The following PLG variants were observed in gnomAD, a reference collection of about 807,000 sequenced individuals.
PLG encodes the protein plasmin.
A neutral mutation model predicts 104.4 loss-of-function variants in PLG; 41 were observed. The observed-to-expected ratio is 0.39, with a 90% CI of 0.31 to 0.51. The LOEUF (loss-of-function observed/expected upper bound fraction) is 0.51, where lower values mean the gene tolerates loss of function less well. Among genes scored for constraint, PLG ranks in the 20% least tolerant of loss-of-function variants. The pLI is 0.76. For synonymous variants in PLG, 337 were observed against 357.1 expected (o/e 0.94, Z 0.63); for missense variants, 891 against 1,003.6 (o/e 0.89, Z 1.52).
rs12529546 is a variant in PLG, at chr6:160,732,319, G to A, written c.1587+426G>A. 3.3e-5 allele frequency among the ~76,000 whole-genome samples: 5 copies of A among 152,156 alleles called. No homozygotes were observed. Among genetic ancestry groups the A allele is most frequent in the South Asian group, 2.1e-4 (1 of 4,832 alleles). ...TCCCTTAGCCTCATGCATTCTCTGCGATGGTTTACTTTGGGGCCTATGAAT... is the reference window on the plus strand; with the variant it reads ...TCCCTTAGCCTCATGCATTCTCTGCAATGGTTTACTTTGGGGCCTATGAAT... On this transcript the variant is annotated intron_variant, in intron 12 of 18. Coordinates refer to ENST00000308192, the MANE Select transcript of PLG (RefSeq NM_000301.5). The surrounding 1 kb of genome is among the most constrained non-coding windows in gnomAD (Gnocchi z 4.5).
At chr6:160,711,391 G>T in intron 4 of PLG, 200 bp downstream of exon 4, 3 of 702,630 alleles carry the variant, frequency 4.3e-6, no homozygotes, top group Non-Finnish European at 7.2e-6. Context: ...CTATTTAATC[G>T]TTGTTATACT....
intron 12 of PLG, among the ~76,000 whole-genome samples, chr6:160,733,543 T>TAATAATAGAA (rs1554251785): frequency 2.6e-5 from 4 of 151,062 alleles, no homozygotes; most frequent in African/African-American, 9.8e-5. Flanking sequence ...ATAATAATAA[T>TAATAATAGAA]AGAAAGGAAG....
intron 6 of PLG, among the ~76,000 whole-genome samples, chr6:160,715,119 A>G (rs1460570323): frequency 6.6e-6 from 1 of 152,174 alleles, no homozygotes; most frequent in Non-Finnish European, 1.5e-5. Flanking sequence ...AGCAGCAGGG[A>G]TGTTTTCTGA....
At chr6:160,713,285 T>TTC in intron 5 of PLG, 160 bp downstream of exon 5, 1 of 667,800 alleles carries the variant, frequency 1.5e-6, no homozygotes. Flanking sequence ...TTTTTTTTTT[T>TTC]CTGAGACAGA....
In PLG at chr6:160,744,916, A is replaced by G. The variant is rs1445710166; in HGVS notation, c.2125+3499A>G. 2.6e-5 allele frequency among the ~76,000 whole-genome samples: 4 copies of G among 152,144 alleles called. No homozygotes were observed. The highest frequency in any genetic ancestry group is 5.9e-5 in the Non-Finnish European group (4 of 68,016). ...CTGCCATAATTTCATTATTCACCCA[A>G]AAGTCATTCAGGAGCATGTTGTTTG... On this transcript the variant is annotated intron_variant, in intron 17 of 18. Coordinates refer to ENST00000308192, the MANE Select transcript of PLG (RefSeq NM_000301.5). This position sits in a 1 kb window ranked among gnomAD's most constrained non-coding sequence, Gnocchi z 4.5.
In PLG at chr6:160,723,297, A is replaced by G. The variant is rs1391533912; in HGVS notation, c.1256+730A>G. Among the ~76,000 whole-genome samples, 1 of 152,224 alleles carries G rather than the reference A, an allele frequency of 6.6e-6. No individual in the cohort carries two copies. The highest frequency in any genetic ancestry group is 1.9e-4 in the East Asian group (1 of 5,200). On this transcript the variant is annotated intron_variant, in intron 10 of 18. Coordinates refer to ENST00000308192, the MANE Select transcript of PLG (RefSeq NM_000301.5). The surrounding 1 kb of genome is among the most constrained non-coding windows in gnomAD (Gnocchi z 4.7). ...GGATACGCAGATGCTGAACAGCGAAAGAGGCCATTAGATGAACAGAAAACC... is the reference window on the plus strand; with the variant it reads ...GGATACGCAGATGCTGAACAGCGAAGGAGGCCATTAGATGAACAGAAAACC...
At chr6:160,722,747 T>C (rs1458790228) in intron 10 of PLG, among the ~76,000 whole-genome samples, 180 bp downstream of exon 10, 1 of 152,204 alleles carries the variant, frequency 6.6e-6, no homozygotes, top group Non-Finnish European at 1.5e-5. Flanking sequence ...AGAGAAATTT[T>C]AGGCTGGCTA....
intron 1 of PLG, among the ~76,000 whole-genome samples, chr6:160,704,228 G>GA (rs1351530159): frequency 2.0e-5 from 3 of 152,098 alleles, no homozygotes; most frequent in Admixed American, 6.5e-5. Context: ...AATAAGAGAA[G>GA]AAAAAATGGG....
chr6:160,752,896 A>G lies in PLG; in HGVS notation c.2272-4A>G, dbSNP rs1376816340. On this transcript the variant is annotated splice_region_variant and splice_polypyrimidine_tract_variant and intron_variant, in intron 18 of 18. Transcript: ENST00000308192. The surrounding 1 kb of genome is among the most constrained non-coding windows in gnomAD (Gnocchi z 4.7). ...CACATGCATTTTTCTCTCCCTCTGT[A>G]TAGGGTGACAGTGGAGGTCCTCTGG... The G allele has an allele frequency of 6.2e-7, 1 of 1,613,662 alleles. No individual in the cohort carries two copies. Among genetic ancestry groups the G allele is most frequent in the South Asian group, 1.1e-5 (1 of 91,060 alleles).
At chr6:160,711,040 G>T in intron 3 of PLG, 37 bp from the exon 4 acceptor site, 1 of 1,609,178 alleles carries the variant, frequency 6.2e-7, no homozygotes, top group South Asian at 1.1e-5. Context: ...GTGGTGTCTT[G>T]TGAAAGACTT....
rs1273196828 is a variant in PLG, at chr6:160,752,722, C to T, written c.2272-178C>T. On this transcript the variant is annotated intron_variant, in intron 18 of 18. Transcript: ENST00000308192. The surrounding 1 kb of genome is among the most constrained non-coding windows in gnomAD (Gnocchi z 4.7). Reference sequence around the variant, plus strand: ...CCGGAAAAACTAAGTGGTGTGGTTTCGCTAAACAGATTTTGCTAAGTACTT... The same window carrying T: ...CCGGAAAAACTAAGTGGTGTGGTTTTGCTAAACAGATTTTGCTAAGTACTT... 1.3e-5 allele frequency among the ~76,000 whole-genome samples: 2 copies of T among 152,142 alleles called. No homozygotes were observed. The highest frequency in any genetic ancestry group is 2.1e-4 in the South Asian group (1 of 4,824).
chr6:160,741,312 C>G lies in PLG; in HGVS notation c.2020C>G (p.Pro674Ala), dbSNP rs1159797802. ...KDIALLKLSS[P>A]AVITDKVIPA... ...TAACTGCTGATGCTTTTCTTTCAGT[C>G]CTGCCGTCATCACTGACAAAGTAAT... The change falls in exon 17 of 19, where the codon CCT becomes GCT. Residue 674 changes from proline to alanine, a missense_variant and splice_region_variant. Coordinates refer to ENST00000308192, the MANE Select transcript of PLG (RefSeq NM_000301.5). This position sits in a 1 kb window ranked among gnomAD's most constrained non-coding sequence, Gnocchi z 4.7. 6.3e-7 allele frequency: 1 copy of G among 1,583,070 alleles called. No homozygotes were observed. The highest frequency in any genetic ancestry group is 8.7e-7 in the Non-Finnish European group (1 of 1,151,612).
intron 17 of PLG, among the ~76,000 whole-genome samples, chr6:160,748,426 G>GAAAA (rs1267342448): frequency 4.2e-5 from 3 of 71,374 alleles, no homozygotes; most frequent in African/African-American, 1.4e-4. Context: ...GGGAAAGAAA[G>GAAAA]AGAACGAAAG....
At chr6:160,733,148 G>A (rs1342663137) in intron 12 of PLG, among the ~76,000 whole-genome samples, 2 of 152,160 alleles carry the variant, frequency 1.3e-5, no homozygotes, top group Non-Finnish European at 2.9e-5. Flanking sequence ...GTCAGGAACT[G>A]GGGGGCAGAG....
chr6:160,706,185 G>A (rs1456410615), intron 1 of PLG: 2 of 597,028 alleles, frequency 3.3e-6, no homozygotes, highest in East Asian at 6.2e-5. Context: ...TCCCTTCTCT[G>A]GTAGTCCCCA....
rs1582948372 is a variant in PLG, at chr6:160,739,287, C to T, written c.2018+79C>T. On this transcript the variant is annotated intron_variant, in intron 16 of 18. Coordinates refer to ENST00000308192, the MANE Select transcript of PLG (RefSeq NM_000301.5). The surrounding 1 kb of genome is among the most constrained non-coding windows in gnomAD (Gnocchi z 4.4). ...GTCTGGGTTTTATGGGCCATGGCCA[C>T]TGCATGGCAGTGGGGAGGAACTGTC... is the stretch of plus-strand genomic sequence containing the variant. 3 of 1,562,938 alleles carry T rather than the reference C, an allele frequency of 1.9e-6. No homozygotes were observed. Among genetic ancestry groups the T allele is most frequent in the African/African-American group, 1.4e-5 (1 of 73,906 alleles).
chr6:160,726,778 T>TGAAAGC lies in PLG; in HGVS notation c.1256+4212_1256+4217dup, dbSNP rs1283464287. On this transcript the variant is annotated intron_variant, in intron 10 of 18. Coordinates refer to ENST00000308192, the MANE Select transcript of PLG (RefSeq NM_000301.5). This position sits in a 1 kb window ranked among gnomAD's most constrained non-coding sequence, Gnocchi z 4.4. Reference sequence around the variant, plus strand: ...AATATTCATAGTATATATTACAAAATGAAAGCTCTTTAGGGTCCCCAATAC... The same window carrying TGAAAGC: ...AATATTCATAGTATATATTACAAAATGAAAGCGAAAGCTCTTTAGGGTCCCCAATAC... Among the ~76,000 whole-genome samples the TGAAAGC allele has an allele frequency of 6.6e-6, 1 of 151,964 alleles. No individual in the cohort carries two copies. Among genetic ancestry groups the TGAAAGC allele is most frequent in the Non-Finnish European group, 1.5e-5 (1 of 67,866 alleles).
In PLG at chr6:160,718,278, A is replaced by G. The variant is rs761478980; in HGVS notation, c.788-16A>G. ...AAAATATATATATTCATTGTAACTT[A>G]TTTTGCCCATTCAAGCAACACCTCC... On this transcript the variant is annotated splice_polypyrimidine_tract_variant and intron_variant, in intron 7 of 18. Transcript: ENST00000308192. 2 of 1,607,338 alleles carry G rather than the reference A, an allele frequency of 1.2e-6. No individual in the cohort carries two copies.
chr6:160,705,292 A>G (rs1228046339), intron 1 of PLG: 1 of 149,338 alleles, frequency 6.7e-6, no homozygotes, highest in Non-Finnish European at 1.5e-5. Flanking sequence ...ACAAGGGGAC[A>G]CCCTGTAGCC....
Sources: allele counts gnomAD v4.1 joint callset (sites outside exome capture counted in the v4.1 genomes callset), GRCh38; gene constraint gnomAD v4.1.1; non-coding constraint Gnocchi (gnomAD v3.1); transcripts MANE v1.5; gene names NCBI Gene and HGNC (gene_info 2026-07-23, HGNC 2026-07-21).